Variants in LRRC61 observed in about 807,000 individuals in gnomAD.
LRRC61 encodes leucine rich repeat containing 61, also known as leucine-rich repeat-containing protein 61.
LRRC61 carries 9 observed loss-of-function variants against 15.1 expected under a neutral mutation model. The ratio of observed to expected loss-of-function variants is 0.60; its 90% CI spans 0.36 to 1.04. LRRC61 has a LOEUF of 1.04. Among genes scored for constraint, LRRC61 ranks in the 50% least tolerant of loss-of-function variants. The pLI, the probability that LRRC61 is intolerant of heterozygous loss-of-function variation, is 0.01. For missense variants in LRRC61, 344 were observed against 335.6 expected (o/e 1.03, Z -0.20); for synonymous variants, 173 against 158.6 (o/e 1.09, Z -0.68).
chr7:150,317,938 A>G, the LRRC61 span, among the ~76,000 whole-genome samples: 4 of 151,980 alleles, frequency 2.6e-5, no homozygotes, highest in Non-Finnish European at 5.9e-5. Context: ...AAAAGGAACT[A>G]TGGGATGTCT....
intron 2 of LRRC61, chr7:150,329,916 G>A (rs1391727963): frequency 6.2e-6 from 1 of 161,286 alleles, no homozygotes; most frequent in Non-Finnish European, 1.4e-5. Context: ...AGCCGCGGAG[G>A]ACTGGCAGCT....
In LRRC61 at chr7:150,337,298, A is replaced by T. The variant is rs776559806; in HGVS notation, c.437A>T (p.Tyr146Phe). Residue 146 changes from tyrosine to phenylalanine, a missense_variant, in exon 3 of 3, where the codon TAC becomes TTC. By Grantham distance (22) the Tyr-to-Phe change is conservative (BLOSUM62 3). Transcript: ENST00000359623. ...LSNPLCANPSYWAAVRELLPG... is the reference protein window; with the variant it reads ...LSNPLCANPSFWAAVRELLPG... ...AACCCGCTCTGTGCCAACCCCTCCTACTGGGCTGCAGTCCGGGAGCTGCTG... is the reference window on the plus strand; with the variant it reads ...AACCCGCTCTGTGCCAACCCCTCCTTCTGGGCTGCAGTCCGGGAGCTGCTG... The T allele has an allele frequency of 3.7e-6, 6 of 1,603,120 alleles. No homozygotes were observed. The South Asian group carries it at 6.6e-5, about 18-fold the overall frequency.
At chr7:150,324,101 T>C (rs989897130) in intron 1 of LRRC61, among the ~76,000 whole-genome samples, 1 of 152,238 alleles carries the variant, frequency 6.6e-6, no homozygotes, top group African/African-American at 2.4e-5. Flanking sequence ...GCTCTCCTCT[T>C]TTCCTTTCAC....
At chr7:150,329,174 C>A (rs974607129) in intron 2 of LRRC61, among the ~76,000 whole-genome samples, 2 of 152,300 alleles carry the variant, frequency 1.3e-5, no homozygotes, top group East Asian at 3.9e-4. Flanking sequence ...AGTTGCTCTT[C>A]GTGGTTAGAA....
At chr7:150,315,557 A>G in the LRRC61 span, among the ~76,000 whole-genome samples, 1 of 152,240 alleles carries the variant, frequency 6.6e-6, no homozygotes, top group South Asian at 2.1e-4. Flanking sequence ...CGTTGTTAGC[A>G]TTCAACATAT....
the LRRC61 span, among the ~76,000 whole-genome samples, chr7:150,313,526 T>G: frequency 8.5e-5 from 13 of 152,228 alleles, no homozygotes; most frequent in Non-Finnish European, 1.6e-4. Context: ...ATGTTTCTTA[T>G]CAGACTTAAG....
intron 2 of LRRC61, among the ~76,000 whole-genome samples, chr7:150,336,303 C>T (rs2129618458): frequency 6.6e-6 from 1 of 152,334 alleles, no homozygotes; most frequent in Non-Finnish European, 1.5e-5. Flanking sequence ...TTGATTATCC[C>T]AGAAAGAAAA....
chr7:150,320,461 A>C (rs946463146), upstream of LRRC61, among the ~76,000 whole-genome samples: 2 of 152,188 alleles, frequency 1.3e-5, no homozygotes, highest in African/African-American at 4.8e-5. Flanking sequence ...TATAGTTTAA[A>C]TTAAGAATGC....
chr7:150,322,649 C>CA (rs1295118680), upstream of LRRC61: 2 of 152,228 alleles, frequency 1.3e-5, no homozygotes, highest in Middle Eastern at 3.4e-3. Context: ...AAGAAATAAC[C>CA]AAAAAATGGG....
chr7:150,329,664 T>C (rs11769348), intron 2 of LRRC61: 32,983 of 152,252 alleles, frequency 0.22, 3,828 homozygotes, highest in East Asian at 0.29. Context: ...TCATGCTTAA[T>C]CATTTCACTC....
chr7:150,331,682 G>A (rs1798113043), intron 2 of LRRC61: 1 of 167,282 alleles, frequency 6.0e-6, no homozygotes, highest in Non-Finnish European at 1.5e-5. Context: ...GTGGATAAGT[G>A]GACACATGCC....
upstream of LRRC61, among the ~76,000 whole-genome samples, chr7:150,319,524 G>A (rs1050021745): frequency 2.6e-5 from 4 of 152,124 alleles, no homozygotes; most frequent in African/African-American, 4.8e-5. Context: ...AACTTCTTAA[G>A]GGTCTGTCTA....
chr7:150,337,649 C>T lies in LRRC61; in HGVS notation c.*8C>T, dbSNP rs1798352368. On this transcript the variant is annotated 3_prime_UTR_variant, in exon 3 of 3. Coordinates refer to ENST00000359623, the MANE Select transcript of LRRC61 (RefSeq NM_001142928.2). ...TCTTCCTTCGTCTTCTGAACGTGGC[C>T]TATGGCCCAGGACAGCCTGGCAGGT... is the stretch of plus-strand genomic sequence containing the variant. 1 of 1,520,482 alleles carries T rather than the reference C, an allele frequency of 6.6e-7. No individual in the cohort carries two copies. Among genetic ancestry groups the T allele is most frequent in the African/African-American group, 1.4e-5 (1 of 71,774 alleles). 94.2% of individuals were successfully genotyped at this position (1,520,482 alleles called of 1,614,324 possible). A position where few individuals can be genotyped will look rare whatever the true frequency, so the allele number is the denominator to read the frequency against.
At chr7:150,327,418 C>T (rs529099020) in intron 2 of LRRC61, among the ~76,000 whole-genome samples, 2 of 152,166 alleles carry the variant, frequency 1.3e-5, no homozygotes, top group South Asian at 4.1e-4. Context: ...CCCTCCCTCC[C>T]TGCCCCTAAA....
chr7:150,319,260 T>C (rs1797244103), upstream of LRRC61, among the ~76,000 whole-genome samples: 10 of 150,482 alleles, frequency 6.6e-5, no homozygotes, highest in Admixed American at 6.7e-4. Context: ...CAGGATGGAG[T>C]CCAATGGCGT....
chr7:150,317,944 T>C, the LRRC61 span, among the ~76,000 whole-genome samples: 1 of 152,098 alleles, frequency 6.6e-6, no homozygotes, highest in Non-Finnish European at 1.5e-5. Flanking sequence ...AACTATGGGA[T>C]GTCTCACAAG....
At chr7:150,313,978 G>A in the LRRC61 span, among the ~76,000 whole-genome samples, 1 of 152,202 alleles carries the variant, frequency 6.6e-6, no homozygotes, top group Admixed American at 6.5e-5. Flanking sequence ...ACAACTCGAG[G>A]CAGAGGCCAT....
upstream of LRRC61, among the ~76,000 whole-genome samples, chr7:150,322,051 C>T (rs975770546): frequency 2.6e-5 from 4 of 152,236 alleles, no homozygotes; most frequent in African/African-American, 4.8e-5. Context: ...ATGGGACAAA[C>T]AGGCATTTTG....
the LRRC61 span, among the ~76,000 whole-genome samples, chr7:150,316,427 C>G: frequency 6.7e-6 from 1 of 150,058 alleles, no homozygotes; most frequent in Non-Finnish European, 1.5e-5. Context: ...TATTCTTTAT[C>G]TGAATTTTTC....
Sources: gnomAD v4.1 joint callset for allele counts (sites outside exome capture counted in the v4.1 genomes callset) on GRCh38, gnomAD v4.1.1 for gene constraint, MANE v1.5 for transcripts, NCBI Gene and HGNC (gene_info 2026-07-23, HGNC 2026-07-21) for gene names.